The following DPP10 variants were observed in gnomAD, a reference collection of about 807,000 sequenced individuals.
DPP10 encodes dipeptidyl peptidase like 10.
A neutral mutation model predicts 120.9 loss-of-function variants in DPP10; 33 were observed. The observed-to-expected ratio is 0.27, with a 90% CI of 0.21 to 0.37. DPP10 has a LOEUF of 0.37. Ranked by LOEUF, DPP10 falls within the 10% of genes least tolerant of loss-of-function variation. The probability of loss-of-function intolerance (pLI) is 1.00; values close to 1 mark genes in which losing one functional copy is unlikely to be tolerated. For missense variants in DPP10, 816 were observed against 942.8 expected (o/e 0.87, Z 1.76); for synonymous variants, 337 against 326.1 (o/e 1.03, Z -0.36).
chr2:114,695,747 G>A (rs1420553756), intron 1 of DPP10, among the ~76,000 whole-genome samples: 1 of 151,966 alleles, frequency 6.6e-6, no homozygotes, highest in Non-Finnish European at 1.5e-5. Flanking sequence ...TTCCATAATT[G>A]CACAGGAGAA....
intron 1 of DPP10, among the ~76,000 whole-genome samples, chr2:114,637,254 G>A (rs1695368800): frequency 6.6e-6 from 1 of 151,912 alleles, no homozygotes; most frequent in Non-Finnish European, 1.5e-5. Flanking sequence ...CCACATAGGT[G>A]ATGATTAAGG....
At chr2:114,949,308 A>T (rs1697601122) in intron 1 of DPP10, among the ~76,000 whole-genome samples, 1 of 152,114 alleles carries the variant, frequency 6.6e-6, no homozygotes, top group African/African-American at 2.4e-5. Flanking sequence ...TCCATAATCC[A>T]GTCACCTCCC....
intron 5 of DPP10, among the ~76,000 whole-genome samples, chr2:115,643,633 A>G (rs1393975633): frequency 6.6e-6 from 1 of 152,194 alleles, no homozygotes; most frequent in Non-Finnish European, 1.5e-5. Context: ...AAATTACAAG[A>G]ATTACTTGTA....
intron 19 of DPP10, among the ~76,000 whole-genome samples, chr2:115,805,832 C>A (rs1459702676): frequency 6.6e-6 from 1 of 152,106 alleles, no homozygotes; most frequent in Non-Finnish European, 1.5e-5. Context: ...GCATTGGCCT[C>A]CCAAAGTGCT....
chr2:115,626,096 A>G (rs749830924), intron 5 of DPP10, among the ~76,000 whole-genome samples: 1 of 151,616 alleles, frequency 6.6e-6, no homozygotes, highest in Non-Finnish European at 1.5e-5. Flanking sequence ...TTACCTCTGT[A>G]GAGTAGGTGA....
At chr2:114,914,255 T>A in intron 1 of DPP10, among the ~76,000 whole-genome samples, 1 of 152,178 alleles carries the variant, frequency 6.6e-6, no homozygotes, top group East Asian at 1.9e-4. Flanking sequence ...AGACACGTAG[T>A]CATCGTATTC....
At chr2:115,386,103 A>G (rs574717665) in intron 3 of DPP10, among the ~76,000 whole-genome samples, 1 of 152,204 alleles carries the variant, frequency 6.6e-6, no homozygotes, top group Non-Finnish European at 1.5e-5. Flanking sequence ...TCACTCATAA[A>G]TCTCCTAGAA....
At chr2:114,942,035 A>AGGCT (rs1356674237) in intron 1 of DPP10, among the ~76,000 whole-genome samples, 3 of 151,740 alleles carry the variant, frequency 2.0e-5, no homozygotes, top group African/African-American at 7.3e-5. Context: ...GCATTTTGGG[A>AGGCT]GGCTGAGGCG....
intron 1 of DPP10, among the ~76,000 whole-genome samples, chr2:114,773,430 G>A (rs115481527): frequency 3.8e-4 from 55 of 146,144 alleles, no homozygotes; most frequent in African/African-American, 1.4e-3. Flanking sequence ...CAACAGACCT[G>A]ACTTTTTAAA....
chr2:115,634,853 C>T (rs1426140760), intron 5 of DPP10, among the ~76,000 whole-genome samples: 2 of 152,174 alleles, frequency 1.3e-5, no homozygotes, highest in African/African-American at 4.8e-5. Context: ...TGCGGCCACC[C>T]CTCCTTCTAG....
At chr2:114,917,574 T>C (rs1176106975) in intron 1 of DPP10, among the ~76,000 whole-genome samples, 1 of 152,048 alleles carries the variant, frequency 6.6e-6, no homozygotes, top group Admixed American at 6.6e-5. Flanking sequence ...AAGGCTACAG[T>C]AAGCAAAACA....
rs141220147 is a variant in DPP10, at chr2:114,660,542, A to G, written c.60+217704A>G. 4.4e-4 allele frequency among the ~76,000 whole-genome samples: 67 copies of G among 152,266 alleles called. No homozygotes were observed. The East Asian group carries it at 0.011, about 24-fold the overall frequency. On this transcript the variant is annotated intron_variant, in intron 1 of 25. Coordinates refer to ENST00000410059, the MANE Select transcript of DPP10 (RefSeq NM_020868.6). ...GTTCAAGTGTTTTATAGGAAGTGCA[A>G]AGGGCTTAGAAACAATAGAACTTAC...
chr2:115,095,432 C>G (rs2104583916), intron 1 of DPP10, among the ~76,000 whole-genome samples: 1 of 152,174 alleles, frequency 6.6e-6, no homozygotes, highest in East Asian at 1.9e-4. Context: ...CAGTGGAGCT[C>G]ACTCTACTAA....
intron 1 of DPP10, among the ~76,000 whole-genome samples, chr2:115,242,168 CCT>C (rs1167433681): frequency 1.3e-5 from 2 of 151,908 alleles, no homozygotes; most frequent in East Asian, 3.9e-4. Flanking sequence ...ACCCTTTCCC[CCT>C]GAGTCCTCAA....
At chr2:115,136,896 A>G (rs567704086) in intron 1 of DPP10, among the ~76,000 whole-genome samples, 12 of 152,336 alleles carry the variant, frequency 7.9e-5, no homozygotes, top group Admixed American at 5.9e-4. Flanking sequence ...ATTTTCACCT[A>G]AAGATGACAT....
chr2:114,937,104 A>G (rs1696543212), intron 1 of DPP10, among the ~76,000 whole-genome samples: 1 of 151,992 alleles, frequency 6.6e-6, no homozygotes, highest in Non-Finnish European at 1.5e-5. Context: ...TTTAAGTTCC[A>G]TCTATTTATC....
chr2:114,510,822 C>T (rs564481181), intron 1 of DPP10, among the ~76,000 whole-genome samples: 32 of 152,314 alleles, frequency 2.1e-4, no homozygotes, highest in South Asian at 1.7e-3. Flanking sequence ...CAGTGATGCA[C>T]GTCATTTCCT....
At chr2:115,772,702 T>C (rs918913050) in intron 13 of DPP10, among the ~76,000 whole-genome samples, 6 of 152,188 alleles carry the variant, frequency 3.9e-5, no homozygotes, top group Admixed American at 2.0e-4. Flanking sequence ...ATATTTGTTA[T>C]GTTGACTTCA....
chr2:115,731,338 G>A (rs1466122410), intron 8 of DPP10, among the ~76,000 whole-genome samples: 1 of 147,826 alleles, frequency 6.8e-6, no homozygotes, highest in Non-Finnish European at 1.5e-5. Flanking sequence ...CCTGGTGACA[G>A]AGCAAGACTC....
Sources: allele counts gnomAD v4.1 joint callset (sites outside exome capture counted in the v4.1 genomes callset), GRCh38; gene constraint gnomAD v4.1.1; transcripts MANE v1.5; gene names NCBI Gene and HGNC (gene_info 2026-07-23, HGNC 2026-07-21).